Variants in CFAP20DC observed in about 807,000 individuals in gnomAD.
The protein encoded by CFAP20DC is protein CFAP20DC.
CFAP20DC carries 84 observed loss-of-function variants against 101.7 expected under a neutral mutation model. The ratio of observed to expected loss-of-function variants is 0.83; its 90% CI spans 0.69 to 0.99. The LOEUF is 0.99. Ranked by LOEUF, CFAP20DC falls within the 50% of genes least tolerant of loss-of-function variation. CFAP20DC has a pLI of 0.00. For synonymous variants in CFAP20DC, 359 were observed against 351.2 expected, an observed-to-expected ratio of 1.02 and a Z score of -0.25; for missense variants, 1,007 against 970.3, an observed-to-expected ratio of 1.04 and a Z score of -0.50.
In CFAP20DC at chr3:58,882,295, T is replaced by G. The variant is rs911186929; in HGVS notation, c.715+2250A>C. On this transcript the variant is annotated intron_variant, in intron 7 of 16. Coordinates refer to ENST00000482387, the MANE Select transcript of CFAP20DC (RefSeq NM_001394063.1). This position sits in a 1 kb window ranked among gnomAD's most constrained non-coding sequence, Gnocchi z 4.2. Reference sequence around the variant, plus strand: ...AAAAGTTTGTGTTTAATTATAACATTGAGTTAGTGATGCAATTAATATTTA... The same window carrying G: ...AAAAGTTTGTGTTTAATTATAACATGGAGTTAGTGATGCAATTAATATTTA... 1.3e-5 allele frequency among the ~76,000 whole-genome samples: 2 copies of G among 152,126 alleles called. No homozygotes were observed. The highest frequency in any genetic ancestry group is 2.9e-5 in the Non-Finnish European group (2 of 67,986).
chr3:58,916,668 T>A (rs911488964), intron 5 of CFAP20DC, among the ~76,000 whole-genome samples: 4 of 152,118 alleles, frequency 2.6e-5, no homozygotes, highest in African/African-American at 4.8e-5. Context: ...TGAATCAATT[T>A]CCTGGGAAAA....
intron 14 of CFAP20DC, chr3:58,824,453 C>T (rs2075901421): frequency 6.6e-6 from 1 of 152,276 alleles, no homozygotes; most frequent in South Asian, 2.1e-4. Context: ...ATATAATTAA[C>T]TACCACGGAG....
At position 58,964,249 on chromosome 3, in the gene CFAP20DC, G is replaced by A. The variant is rs1322427534; in HGVS notation, c.279-26487C>T. 6.6e-6 allele frequency among the ~76,000 whole-genome samples: 1 copy of A among 152,158 alleles called. No individual in the cohort carries two copies. The highest frequency in any genetic ancestry group is 2.4e-5 in the African/African-American group (1 of 41,430). On this transcript the variant is annotated intron_variant, in intron 4 of 16. Transcript: ENST00000482387. The surrounding 1 kb of genome is among the most constrained non-coding windows in gnomAD (Gnocchi z 4.1). Reference sequence around the variant, plus strand: ...CCTGTTAAGAAGACTACCCACTATGGACTGGTTCTGGCCAGTTTAGGGAGG... The same window carrying A: ...CCTGTTAAGAAGACTACCCACTATGAACTGGTTCTGGCCAGTTTAGGGAGG...
intron 14 of CFAP20DC, among the ~76,000 whole-genome samples, chr3:58,825,834 CTTGAT>C (rs2076002364): frequency 6.6e-6 from 1 of 152,122 alleles, no homozygotes; most frequent in Non-Finnish European, 1.5e-5. Context: ...TCTCAGTAGG[CTTGAT>C]TTATTTAGCA....
chr3:58,838,304 C>G (rs985097244), intron 13 of CFAP20DC, among the ~76,000 whole-genome samples: 1 of 152,114 alleles, frequency 6.6e-6, no homozygotes, highest in East Asian at 1.9e-4. Context: ...GAATCTAGAT[C>G]GTGTATTATG....
intron 14 of CFAP20DC, among the ~76,000 whole-genome samples, chr3:58,810,103 CA>C (rs1362813115): frequency 1.3e-5 from 2 of 152,160 alleles, no homozygotes; most frequent in African/African-American, 4.8e-5. Flanking sequence ...GATGGACTCA[CA>C]GCCGAATTCT....
intron 14 of CFAP20DC, among the ~76,000 whole-genome samples, chr3:58,808,158 G>C (rs542639669): frequency 6.6e-6 from 1 of 152,288 alleles, no homozygotes; most frequent in African/African-American, 2.4e-5. Flanking sequence ...TTATCCAGGA[G>C]AACTTCCCCA....
intron 4 of CFAP20DC, among the ~76,000 whole-genome samples, chr3:58,976,751 C>T (rs2092295835): frequency 1.3e-5 from 2 of 152,148 alleles, no homozygotes; most frequent in South Asian, 4.1e-4. Flanking sequence ...ACTCTGGTTT[C>T]CTCCCACATC....
Position 58,820,989 on chromosome 3 carries a change from A to G in CFAP20DC, c.2175+10697T>C, listed in dbSNP as rs559854820. Among the ~76,000 whole-genome samples the G allele has an allele frequency of 1.1e-4, 17 of 150,838 alleles. No individual in the cohort carries two copies. In the South Asian group the frequency reaches 3.4e-3, roughly 30 times the overall value. ...GAATAGAGCCCTCAGAAATAACGCC[A>G]CATATCTACAATTATCTGATCTTTG... On this transcript the variant is annotated intron_variant, in intron 14 of 16. Coordinates refer to ENST00000482387, the MANE Select transcript of CFAP20DC (RefSeq NM_001394063.1).
intron 3 of CFAP20DC, among the ~76,000 whole-genome samples, chr3:59,043,823 G>T (rs1056158047): frequency 1.3e-5 from 2 of 152,136 alleles, no homozygotes; most frequent in Admixed American, 1.3e-4. Flanking sequence ...GTTTACTCAA[G>T]TCTCATTATC....
At chr3:58,921,975 C>T (rs1052015205) in intron 5 of CFAP20DC, among the ~76,000 whole-genome samples, 8 of 152,096 alleles carry the variant, frequency 5.3e-5, no homozygotes, top group African/African-American at 1.9e-4. Context: ...TATTCCTTGT[C>T]CTGAAGTCTA....
chr3:58,856,979 T>C (rs2108407099), intron 12 of CFAP20DC, among the ~76,000 whole-genome samples: 1 of 152,316 alleles, frequency 6.6e-6, no homozygotes, highest in African/African-American at 2.4e-5. Flanking sequence ...ATTCTGTATA[T>C]GACGTAGGTA....
At chr3:58,735,004 G>A (rs1331156061) in intron 3 of CFAP20DC, among the ~76,000 whole-genome samples, 1 of 152,138 alleles carries the variant, frequency 6.6e-6, no homozygotes, top group African/African-American at 2.4e-5. Flanking sequence ...TGGGAAAAAA[G>A]AGACCTGACT....
chr3:58,793,559 A>C (rs2073019747), intron 15 of CFAP20DC, among the ~76,000 whole-genome samples: 1 of 152,180 alleles, frequency 6.6e-6, no homozygotes, highest in Admixed American at 6.5e-5. Flanking sequence ...GGCAAAAAAA[A>C]CAAAGTGCAT....
chr3:58,979,626 C>T (rs891830525), intron 4 of CFAP20DC, among the ~76,000 whole-genome samples: 2 of 152,094 alleles, frequency 1.3e-5, no homozygotes, highest in African/African-American at 4.8e-5. Context: ...GTATATTGAT[C>T]CTACCTTAAG....
rs756025360 is a variant in CFAP20DC at position 58,986,910 on chromosome 3, ACTT to A, written c.279-49151_279-49149del. On this transcript the variant is annotated intron_variant, in intron 4 of 16. Transcript: ENST00000482387. ...GTCAGTATTTATAATAGGAAGAGTC[ACTT>A]CTTTAGAACTTCAGAGAACAGAGCA... 3.9e-5 allele frequency among the ~76,000 whole-genome samples: 6 copies of A among 152,294 alleles called. No individual in the cohort carries two copies. In the Middle Eastern group the frequency reaches 0.01, roughly 259 times the overall value.
chr3:58,867,936 G>A lies in CFAP20DC; in HGVS notation c.1016C>T (p.Ala339Val). 1.2e-6 allele frequency: 2 copies of A among 1,603,764 alleles called. No individual in the cohort carries two copies. Residue 339 changes from alanine to valine, a missense_variant and splice_region_variant, in exon 10 of 17, where the codon GCA (alanine) becomes GTA (valine). By Grantham distance (64) the Ala-to-Val change is moderately conservative. Transcript: ENST00000482387. ...CGGATGCATAATATGTAGATTGGCT[G>A]CTACATTTTCATATCAAAGCACAAA... ...HQIKQTVPIH[A>V]ANLHIMHPHP...
intron 1 of CFAP20DC, among the ~76,000 whole-genome samples, chr3:59,048,418 G>A (rs547100180): frequency 1.3e-5 from 2 of 152,276 alleles, no homozygotes; most frequent in East Asian, 1.9e-4. Flanking sequence ...TGTGAGGGCA[G>A]GTAATATTTC....
intron 3 of CFAP20DC, among the ~76,000 whole-genome samples, chr3:59,045,001 C>T (rs536234057): frequency 2.0e-5 from 3 of 151,772 alleles, no homozygotes; most frequent in East Asian, 3.9e-4. Flanking sequence ...CACACACACA[C>T]ACACACACAC....
Sources: allele counts gnomAD v4.1 joint callset (sites outside exome capture counted in the v4.1 genomes callset), GRCh38; gene constraint gnomAD v4.1.1; non-coding constraint Gnocchi (gnomAD v3.1); transcripts MANE v1.5; gene names NCBI Gene and HGNC (gene_info 2026-07-23, HGNC 2026-07-21).